Variants in AOPEP observed in about 807,000 individuals in gnomAD.
AOPEP encodes the protein aminopeptidase O.
AOPEP carries 77 observed loss-of-function variants against 98.1 expected under a neutral mutation model. That is an observed-to-expected ratio of 0.78 (90% CI 0.65 to 0.95). The LOEUF (loss-of-function observed/expected upper bound fraction) is 0.95, where lower values mean the gene tolerates loss of function less well. Among genes scored for constraint, AOPEP ranks in the 40% least tolerant of loss-of-function variants. AOPEP has a pLI of 0.00. For missense variants in AOPEP, 1,024 were observed against 1,024.7 expected (o/e 1.00, Z 0.01); for synonymous variants, 346 against 365.3 (o/e 0.95, Z 0.60).
At chr9:95,138,044 T>C in the AOPEP span, among the ~76,000 whole-genome samples, 1 of 152,026 alleles carries the variant, frequency 6.6e-6, no homozygotes, top group African/African-American at 2.4e-5. Flanking sequence ...CGCAGAGGAG[T>C]GGGAAAGGCT....
At chr9:95,063,341 G>A (rs927286210) in intron 14 of AOPEP, among the ~76,000 whole-genome samples, 1 of 151,504 alleles carries the variant, frequency 6.6e-6, no homozygotes, top group African/African-American at 2.4e-5. Flanking sequence ...GTGAGATGAG[G>A]ATCCCTGGAC....
rs142144695 is a variant in AOPEP, at chr9:94,823,472, A to ATC, written c.1364+22473_1364+22474dup. ...TGAACCACTTTTCCAGATTCTTTGA[A>ATC]TCTCACTGAATTCTAATTTGGTCCT... On this transcript the variant is annotated intron_variant, in intron 5 of 16. Transcript: ENST00000375315. 4.3e-3 allele frequency among the ~76,000 whole-genome samples: 648 copies of ATC among 152,188 alleles called. 4 individuals carry two copies. The highest frequency in any genetic ancestry group is 0.014 in the African/African-American group (600 of 41,508).
In AOPEP at chr9:94,884,546, C is replaced by T. The variant is rs1034939393; in HGVS notation, c.1365-39440C>T. 2.6e-5 allele frequency among the ~76,000 whole-genome samples: 4 copies of T among 152,162 alleles called. No individual in the cohort carries two copies. The East Asian group carries it at 5.8e-4, about 22-fold the overall frequency. ...CAGTGCACAGGCTCTGGAGCAGGAC[C>T]GCAGGGTGCCAACCCCAGACCCCCA... On this transcript the variant is annotated intron_variant, in intron 5 of 16. Coordinates refer to ENST00000375315, the MANE Select transcript of AOPEP (RefSeq NM_001193329.3).
chr9:95,007,100 CTG>C (rs1291859192), intron 13 of AOPEP, among the ~76,000 whole-genome samples: 1 of 152,016 alleles, frequency 6.6e-6, no homozygotes, highest in Admixed American at 6.6e-5. Context: ...CGGGGTTTCA[CTG>C]TGTTAGCCAG....
the AOPEP span, among the ~76,000 whole-genome samples, chr9:95,095,074 G>A: frequency 6.6e-6 from 1 of 152,234 alleles, no homozygotes; most frequent in Non-Finnish European, 1.5e-5. Context: ...TGGCGTCCAG[G>A]ATTTCCTCAG....
At chr9:95,051,216 A>C (rs1286301896) in intron 13 of AOPEP, among the ~76,000 whole-genome samples, 12 of 149,874 alleles carry the variant, frequency 8.0e-5, no homozygotes. Flanking sequence ...CAGCCTCCCG[A>C]GTAGCTGGGA....
At chr9:94,942,337 C>G (rs1247321320) in intron 7 of AOPEP, among the ~76,000 whole-genome samples, 1 of 152,128 alleles carries the variant, frequency 6.6e-6, no homozygotes, top group Non-Finnish European at 1.5e-5. Context: ...TCCTGTGCCC[C>G]TTTTTCCTAC....
rs533367834 is a variant in AOPEP at position 94,760,277 on chromosome 9, C to G, written c.494C>G (p.Pro165Arg). The change falls in exon 2 of 17, where the codon CCA (proline) becomes CGA (arginine). Residue 165 changes from proline (P) to arginine (R), a missense_variant. Pro to Arg is a moderately radical substitution (Grantham distance 103, BLOSUM62 -2). Around this residue, in one of 3 missense-constraint regions of AOPEP, gnomAD observed 440 missense variants for 433.8 expected, o/e 1.01. Transcript: ENST00000375315. The part of the protein sequence containing the change: ...KVEEVDVAAV[P>R]GLEKFTRSPE... ...GAGGAGGTGGATGTTGCTGCTGTGC[C>G]AGGTCTGGAAAAATTTACAAGGTCT... 5.0e-6 allele frequency: 8 copies of G among 1,614,060 alleles called. No individual in the cohort carries two copies. The South Asian group carries it at 7.7e-5, about 16-fold the overall frequency.
the AOPEP span, chr9:95,110,353 T>C: frequency 3.9e-6 from 4 of 1,020,082 alleles, no homozygotes; most frequent in Non-Finnish European, 3.5e-6. Context: ...TAAGACAGAA[T>C]ATAAAAGGGC....
intron 5 of AOPEP, among the ~76,000 whole-genome samples, chr9:94,909,854 C>T (rs1251793874): frequency 6.6e-6 from 1 of 152,176 alleles, no homozygotes; most frequent in African/African-American, 2.4e-5. Context: ...TGGCACACAG[C>T]AGCTCCCACC....
intron 16 of AOPEP, chr9:95,085,061 A>C (rs2070444257): frequency 2.8e-6 from 1 of 351,646 alleles, no homozygotes; most frequent in Non-Finnish European, 5.7e-6. Context: ...CTTTGATTCA[A>C]GAAATTATAC....
At chr9:95,135,952 C>G in the AOPEP span, among the ~76,000 whole-genome samples, 1 of 152,198 alleles carries the variant, frequency 6.6e-6, no homozygotes, top group Non-Finnish European at 1.5e-5. Context: ...AAGTTAACCT[C>G]AGTTTATTCA....
At chr9:95,105,433 A>G in the AOPEP span, among the ~76,000 whole-genome samples, 1 of 152,344 alleles carries the variant, frequency 6.6e-6, no homozygotes, top group East Asian at 1.9e-4. Context: ...TATGTCAACA[A>G]AAGTACAAAT....
chr9:94,848,711 C>T (rs1274919018), intron 5 of AOPEP, among the ~76,000 whole-genome samples: 1 of 152,002 alleles, frequency 6.6e-6, no homozygotes. Context: ...TGCTGCACTT[C>T]CTCTCCTGTG....
intron 1 of AOPEP, among the ~76,000 whole-genome samples, chr9:94,728,276 C>T (rs186392386): frequency 1.3e-5 from 2 of 150,556 alleles, no homozygotes; most frequent in Admixed American, 6.6e-5. Flanking sequence ...CACACACCAT[C>T]CTTATTTTTA....
chr9:95,129,006 G>T, the AOPEP span, among the ~76,000 whole-genome samples: 37 of 151,816 alleles, frequency 2.4e-4, no homozygotes, highest in African/African-American at 8.7e-4. Context: ...GGGTTCAAAA[G>T]ATTCTCCTGC....
At chr9:94,748,823 A>G (rs779092441) in intron 1 of AOPEP, among the ~76,000 whole-genome samples, 3 of 152,214 alleles carry the variant, frequency 2.0e-5, no homozygotes, top group Non-Finnish European at 4.4e-5. Context: ...TTTCAGGAAT[A>G]CTACAGAGGT....
chr9:94,777,388 T>C (rs79076910), intron 3 of AOPEP, among the ~76,000 whole-genome samples: 1 of 149,906 alleles, frequency 6.7e-6, no homozygotes, highest in Non-Finnish European at 1.5e-5. Flanking sequence ...GCTGAGATCG[T>C]GCCACTGCAC....
chr9:94,841,279 C>A (rs555992747), intron 5 of AOPEP, among the ~76,000 whole-genome samples: 1 of 151,774 alleles, frequency 6.6e-6, no homozygotes, highest in East Asian at 1.9e-4. Flanking sequence ...TCAAGTAACT[C>A]TCCTGCCTCA....
Sources: allele counts gnomAD v4.1 joint callset (sites outside exome capture counted in the v4.1 genomes callset), GRCh38; gene constraint gnomAD v4.1.1; regional missense constraint gnomAD v4.1.1; transcripts MANE v1.5; gene names NCBI Gene and HGNC (gene_info 2026-07-23, HGNC 2026-07-21).